BTRC: variants seen among roughly 807,000 people sequenced by gnomAD.
BTRC encodes beta-transducin repeat containing E3 ubiquitin protein ligase.
In BTRC, 42 loss-of-function variants were observed where a neutral mutation model predicts 85.5. The ratio of observed to expected loss-of-function variants is 0.49; its 90% CI spans 0.38 to 0.64. BTRC has a LOEUF of 0.64. Among genes scored for constraint, BTRC ranks in the 30% least tolerant of loss-of-function variants. The pLI is 0.00. For synonymous variants in BTRC, 255 were observed against 263.3 expected (o/e 0.97, Z 0.30); for missense variants, 594 against 743.5 (o/e 0.80, Z 2.34).
intron 2 of BTRC, among the ~76,000 whole-genome samples, chr10:101,453,268 G>A (rs1457021586): frequency 6.6e-6 from 1 of 152,050 alleles, no homozygotes; most frequent in Admixed American, 6.6e-5. Context: ...CCTTCAGGTG[G>A]GTTGTCATTC....
intron 13 of BTRC, among the ~76,000 whole-genome samples, chr10:101,547,328 C>CTTTTTTTTTTTTTT (rs71016332): frequency 5.0e-5 from 4 of 79,636 alleles, no homozygotes; most frequent in Non-Finnish European, 9.7e-5. Context: ...TATGGTTTTT[C>CTTTTTTTTTTTTTT]TTTTTTTTTT....
chr10:101,438,738 A>C (rs1944603424), intron 2 of BTRC, among the ~76,000 whole-genome samples: 1 of 152,194 alleles, frequency 6.6e-6, no homozygotes, highest in African/African-American at 2.4e-5. Context: ...TATTTCCCCT[A>C]GATTTTTAAA....
chr10:101,529,302 A>G (rs2062246369), intron 6 of BTRC, among the ~76,000 whole-genome samples: 1 of 152,236 alleles, frequency 6.6e-6, no homozygotes, highest in African/African-American at 2.4e-5. Context: ...GACATGGTAA[A>G]TGCAGTGAGG....
Position 101,533,064 on chromosome 10 carries a change from C to T in BTRC, c.1091C>T (p.Thr364Met), listed in dbSNP as rs764790468. ...RVIITGSSDS[T>M]VRVWDVNTGE... ...ATCATAACAGGATCATCGGATTCCACGGTCAGGTAGAAAATTTCAAATGCT... is the reference window on the plus strand; with the variant it reads ...ATCATAACAGGATCATCGGATTCCATGGTCAGGTAGAAAATTTCAAATGCT... The change falls in exon 9 of 15, where the codon ACG becomes ATG. Residue 364 changes from threonine to methionine, a missense_variant. This residue lies in a region of BTRC where 373 missense variants were observed against 503.6 expected (regional missense o/e 0.74). Coordinates refer to ENST00000370187, the MANE Select transcript of BTRC (RefSeq NM_033637.4). The T allele has an allele frequency of 8.1e-6, 13 of 1,604,814 alleles. No individual in the cohort carries two copies. Among genetic ancestry groups the T allele is most frequent in the Admixed American group, 5.0e-5 (3 of 59,866 alleles).
At chr10:101,549,064 A>AG in intron 13 of BTRC, among the ~76,000 whole-genome samples, 1 of 151,736 alleles carries the variant, frequency 6.6e-6, no homozygotes, top group East Asian at 1.9e-4. Context: ...AAAAAAAAAA[A>AG]GCCAGACACA....
chr10:101,515,812 A>G (rs1347579535), intron 4 of BTRC, among the ~76,000 whole-genome samples: 1 of 152,192 alleles, frequency 6.6e-6, no homozygotes, highest in Non-Finnish European at 1.5e-5. Flanking sequence ...CTCCCAGGCT[A>G]AACTTTATCA....
chr10:101,371,461 G>A (rs1942633572), intron 1 of BTRC, among the ~76,000 whole-genome samples: 1 of 152,212 alleles, frequency 6.6e-6, no homozygotes, highest in Admixed American at 6.5e-5. Flanking sequence ...ACAGGCATGA[G>A]CCACTGAGCC....
At chr10:101,505,398 T>G (rs1219307318) in intron 4 of BTRC, among the ~76,000 whole-genome samples, 2 of 150,550 alleles carry the variant, frequency 1.3e-5, no homozygotes, top group East Asian at 4.0e-4. Context: ...GGCGGGCGGA[T>G]CATGAGGTCA....
At chr10:101,489,364 T>C (rs1188189532) in intron 4 of BTRC, among the ~76,000 whole-genome samples, 1 of 152,188 alleles carries the variant, frequency 6.6e-6, no homozygotes, top group African/African-American at 2.4e-5. Flanking sequence ...ATTTTGCAGA[T>C]CCTTTTCTGC....
chr10:101,544,912 G>A (rs1038524970), intron 13 of BTRC, among the ~76,000 whole-genome samples: 8 of 151,914 alleles, frequency 5.3e-5, no homozygotes, highest in African/African-American at 1.7e-4. Flanking sequence ...AGATTAGCTG[G>A]GCATGGTGGC....
chr10:101,482,393 C>CTTTTTTTTTTTTTTTTTTTTTTTTT (rs55978440), intron 4 of BTRC, among the ~76,000 whole-genome samples: 1 of 99,814 alleles, frequency 1.0e-5, no homozygotes, highest in Non-Finnish European at 2.1e-5. Context: ...TTGTTTGTTT[C>CTTTTTTTTTTTTTTTTTTTTTTTTT]TTTTTTTTTT....
intron 13 of BTRC, among the ~76,000 whole-genome samples, chr10:101,546,055 G>A (rs1564839547): frequency 1.3e-5 from 2 of 152,308 alleles, no homozygotes; most frequent in East Asian, 3.9e-4. Flanking sequence ...TATCAGTAAT[G>A]GACAGATCTG....
At position 101,532,800 on chromosome 10, in the gene BTRC, G is replaced by GCGCA. The variant is rs1464903002; in HGVS notation, c.979-149_979-148insACGC. 124 of 637,958 alleles carry GCGCA rather than the reference G, an allele frequency of 1.9e-4. 7 individuals are homozygous for GCGCA. In the South Asian group the frequency reaches 2.1e-3, roughly 11 times the overall value. The allele number at this position is 637,958 out of a possible 1,614,324, so 39.5% of individuals were successfully genotyped here. A position where few individuals can be genotyped will look rare whatever the true frequency, so the allele number is the denominator to read the frequency against. On this transcript the variant is annotated intron_variant, in intron 8 of 14. Coordinates refer to ENST00000370187, the MANE Select transcript of BTRC (RefSeq NM_033637.4). ...TGTGTGTGTGTGTGTGCGCGTGTGC[G>GCGCA]CGCGCGCGCGCTTAGCTATACCTAT...
intron 2 of BTRC, among the ~76,000 whole-genome samples, chr10:101,437,095 G>C (rs1327569372): frequency 6.6e-6 from 1 of 152,098 alleles, no homozygotes; most frequent in Admixed American, 6.5e-5. Flanking sequence ...AATAATTTCT[G>C]TGTAGCACAA....
At chr10:101,486,626 C>T (rs1181647391) in intron 4 of BTRC, among the ~76,000 whole-genome samples, 3 of 151,910 alleles carry the variant, frequency 2.0e-5, no homozygotes, top group Non-Finnish European at 2.9e-5. Context: ...TAAAAGGCAT[C>T]GGTTTCTATT....
chr10:101,408,566 A>G lies in BTRC; in HGVS notation c.49-21779A>G, dbSNP rs1943691624. Among the ~76,000 whole-genome samples the G allele has an allele frequency of 1.3e-5, 2 of 152,208 alleles. 1 individual carries two copies. The highest frequency in any genetic ancestry group is 4.1e-4 in the South Asian group (2 of 4,828). ...AAGCGATCTGCCACCTGGGCCTCCC[A>G]AAGTGTTAGAATTACAGTTATGAGT... On this transcript the variant is annotated intron_variant, in intron 1 of 14. Transcript: ENST00000370187.
intron 13 of BTRC, among the ~76,000 whole-genome samples, chr10:101,546,502 A>G (rs2062560929): frequency 6.6e-6 from 1 of 152,160 alleles, no homozygotes; most frequent in African/African-American, 2.4e-5. Context: ...TGAAGTAAAT[A>G]AAAATGAAAA....
At chr10:101,548,315 A>G (rs1282245123) in intron 13 of BTRC, among the ~76,000 whole-genome samples, 2 of 152,268 alleles carry the variant, frequency 1.3e-5, no homozygotes, top group African/African-American at 4.8e-5. Context: ...GCCATAAACT[A>G]TAATCAGCCC....
intron 1 of BTRC, among the ~76,000 whole-genome samples, chr10:101,419,550 G>A (rs1439300321): frequency 2.0e-5 from 3 of 152,156 alleles, no homozygotes; most frequent in African/African-American, 4.8e-5. Context: ...CTGGGTCACC[G>A]CCAGGTCTGT....
Sources: gnomAD v4.1 joint callset for allele counts (sites outside exome capture counted in the v4.1 genomes callset) on GRCh38, gnomAD v4.1.1 for gene constraint, gnomAD v4.1.1 regional missense constraint, MANE v1.5 for transcripts, NCBI Gene and HGNC (gene_info 2026-07-23, HGNC 2026-07-21) for gene names.